The following SLCO3A1 variants were observed in gnomAD, a reference collection of about 807,000 sequenced individuals.
SLCO3A1 encodes the protein solute carrier organic anion transporter family member 3A1, also known as PGE1 transporter.
SLCO3A1 carries 27 observed loss-of-function variants against 63.1 expected under a neutral mutation model. The observed-to-expected ratio is 0.43, with a 90% CI of 0.32 to 0.59. SLCO3A1 has a LOEUF of 0.59. Among genes scored for constraint, SLCO3A1 ranks in the 20% least tolerant of loss-of-function variants. SLCO3A1 has a pLI of 0.09. For synonymous variants in SLCO3A1, 473 were observed against 409.9 expected (o/e 1.15, Z -1.86); for missense variants, 773 against 945.8 (o/e 0.82, Z 2.40).
chr15:92,032,133 C>T (rs974113513), intron 2 of SLCO3A1, among the ~76,000 whole-genome samples: 1 of 152,170 alleles, frequency 6.6e-6, no homozygotes, highest in African/African-American at 2.4e-5. Context: ...CGGGTCTCTG[C>T]TATAGCAATG....
At position 92,164,966 on chromosome 15, in the gene SLCO3A1, G is replaced by GCTT; in HGVS notation, c.*1831_*1832insCTT. 2.1e-6 allele frequency: 2 copies of GCTT among 964,196 alleles called. No homozygotes were observed. The highest frequency in any genetic ancestry group is 2.4e-6 in the Non-Finnish European group (2 of 821,596). The allele number at this position is 964,196 out of a possible 1,614,324, so 59.7% of individuals were successfully genotyped here. A position where few individuals can be genotyped will look rare whatever the true frequency, so the allele number is the denominator to read the frequency against. On this transcript the variant is annotated 3_prime_UTR_variant, in exon 10 of 10. Transcript: ENST00000318445. Reference sequence around the variant, plus strand: ...CCTGGCGCTGGAAAAAAAACTCAAAGGTTGATTGGTTTGCTTTTTCACCTT... The same window carrying GCTT: ...CCTGGCGCTGGAAAAAAAACTCAAAGCTTGTTGATTGGTTTGCTTTTTCACCTT...
chr15:91,889,271 C>A, intron 1 of SLCO3A1: 1 of 699,804 alleles, frequency 1.4e-6, no homozygotes, highest in Non-Finnish European at 2.2e-6. Context: ...AGTGCATTTG[C>A]AACACTTTAT....
chr15:92,025,784 T>G lies in SLCO3A1; in HGVS notation c.647-69097T>G, dbSNP rs539391452. 4.4e-4 allele frequency among the ~76,000 whole-genome samples: 67 copies of G among 152,240 alleles called. 1 individual carries two copies. The highest frequency in any genetic ancestry group is 1.6e-3 in the African/African-American group (65 of 41,550). The stretch of plus-strand genomic sequence containing the variant: ...GAAGTGTTTTGAATTCTCCCGGCCG[T>G]GAGTGGCTGCCATCTACCTTGCTGA... On this transcript the variant is annotated intron_variant, in intron 2 of 9. Coordinates refer to ENST00000318445, the MANE Select transcript of SLCO3A1 (RefSeq NM_013272.4).
At chr15:91,956,661 A>G (rs1164137862) in intron 2 of SLCO3A1, among the ~76,000 whole-genome samples, 1 of 151,838 alleles carries the variant, frequency 6.6e-6, no homozygotes, top group Admixed American at 6.6e-5. Context: ...GAAACAGCCT[A>G]AAACCCCCGA....
intron 2 of SLCO3A1, among the ~76,000 whole-genome samples, chr15:91,924,063 A>ATTT (rs1898932359): frequency 6.6e-6 from 1 of 152,218 alleles, no homozygotes; most frequent in African/African-American, 2.4e-5. Context: ...CAAAAGATAA[A>ATTT]TGAGTGAGGC....
At chr15:92,147,233 G>T (rs1372223960) in intron 8 of SLCO3A1, 74 bp downstream of exon 8, 16 of 1,437,914 alleles carry the variant, frequency 1.1e-5, no homozygotes, top group Non-Finnish European at 1.3e-5. Context: ...AGGGACCAGA[G>T]CTTCAGACAA....
At chr15:92,038,289 C>T (rs1373074599) in intron 2 of SLCO3A1, among the ~76,000 whole-genome samples, 1 of 152,146 alleles carries the variant, frequency 6.6e-6, no homozygotes, top group South Asian at 2.1e-4. Context: ...TTACAAAATT[C>T]TGTACCAGTG....
intron 2 of SLCO3A1, among the ~76,000 whole-genome samples, chr15:92,028,627 A>G (rs749123009): frequency 6.6e-6 from 1 of 152,162 alleles, no homozygotes; most frequent in Non-Finnish European, 1.5e-5. Context: ...ACCTAATGCA[A>G]TATTCAGACA....
At chr15:91,949,824 C>G (rs1899937825) in intron 2 of SLCO3A1, among the ~76,000 whole-genome samples, 1 of 151,926 alleles carries the variant, frequency 6.6e-6, no homozygotes, top group African/African-American at 2.4e-5. Context: ...TAGTGAGACC[C>G]CGGCTTTAAT....
In SLCO3A1 at chr15:91,939,608, A is replaced by G. The variant is rs551115849; in HGVS notation, c.646+23150A>G. On this transcript the variant is annotated intron_variant, in intron 2 of 9. Transcript: ENST00000318445. Reference sequence around the variant, plus strand: ...TGCCAGCTCCAGCACCTCCTAATGAAGTGTTTCATGGGTCCTGCATGAAGG... The same window carrying G: ...TGCCAGCTCCAGCACCTCCTAATGAGGTGTTTCATGGGTCCTGCATGAAGG... 5.3e-5 allele frequency among the ~76,000 whole-genome samples: 8 copies of G among 152,158 alleles called. No homozygotes were observed. The East Asian group carries it at 1.2e-3, about 22-fold the overall frequency.
intron 2 of SLCO3A1, among the ~76,000 whole-genome samples, chr15:92,080,921 T>G (rs1460055422): frequency 2.0e-5 from 3 of 148,750 alleles, no homozygotes; most frequent in Admixed American, 6.8e-5. Flanking sequence ...TTTTTCATTT[T>G]TATGGATACA....
intron 2 of SLCO3A1, among the ~76,000 whole-genome samples, chr15:92,034,587 G>A (rs775223759): frequency 4.0e-5 from 6 of 151,736 alleles, no homozygotes; most frequent in African/African-American, 1.2e-4. Flanking sequence ...GAGACCAGGG[G>A]AAGCATCCAG....
chr15:91,937,447 T>C (rs1208572676), intron 2 of SLCO3A1, among the ~76,000 whole-genome samples: 1 of 151,936 alleles, frequency 6.6e-6, no homozygotes, highest in Non-Finnish European at 1.5e-5. Flanking sequence ...GGGCCAGGCA[T>C]GGTGGCTCAC....
intron 7 of SLCO3A1, among the ~76,000 whole-genome samples, chr15:92,143,422 A>ATAATATATATAT (rs2048167827): frequency 2.9e-4 from 1 of 3,402 alleles, no homozygotes; most frequent in Non-Finnish European, 4.3e-4. Flanking sequence ...TATATATTAT[A>ATAATATATATAT]TATATATAAT....
At chr15:91,933,620 T>A (rs557008575) in intron 2 of SLCO3A1, among the ~76,000 whole-genome samples, 1 of 152,210 alleles carries the variant, frequency 6.6e-6, no homozygotes, top group African/African-American at 2.4e-5. Flanking sequence ...TTAGAGATGT[T>A]AATAATAGCA....
In SLCO3A1 at chr15:92,120,472, G is replaced by A. The variant is rs77283469; in HGVS notation, c.1017G>A (p.Pro339=). ...ASCFQQLRVI[P]KVTKHLLSNP... Reference sequence around the variant, plus strand: ...CCTTCTGTCTCCCTGCAGTGATCCCGAAGGTCACCAAGCACCTGCTCTCAA... The same window carrying A: ...CCTTCTGTCTCCCTGCAGTGATCCCAAAGGTCACCAAGCACCTGCTCTCAA... The change falls in exon 5 of 10, where the codon CCG becomes CCA. Residue 339 remains proline, a synonymous_variant. Transcript: ENST00000318445. The A allele has an allele frequency of 6.2e-4, 1,000 of 1,614,044 alleles. No homozygotes were observed. The African/African-American group carries it at 0.012, about 20-fold the overall frequency.
At chr15:92,042,789 G>C (rs1567084106) in intron 2 of SLCO3A1, among the ~76,000 whole-genome samples, 1 of 152,134 alleles carries the variant, frequency 6.6e-6, no homozygotes. Flanking sequence ...GGCACACTGA[G>C]AAATCAGCAA....
intron 2 of SLCO3A1, among the ~76,000 whole-genome samples, chr15:91,999,102 T>C (rs1398955352): frequency 6.6e-6 from 1 of 152,148 alleles, no homozygotes; most frequent in African/African-American, 2.4e-5. Flanking sequence ...CTCGTGGACG[T>C]AAAGTCGGCA....
intron 2 of SLCO3A1, among the ~76,000 whole-genome samples, chr15:91,974,265 G>GTTGTTATTATTATTATTA (rs147991710): frequency 9.8e-4 from 140 of 142,956 alleles, no homozygotes; most frequent in African/African-American, 3.1e-3. Context: ...TTTCATTATT[G>GTTGTTATTATTATTATTA]TTATTATTAT....
Sources: gnomAD v4.1 joint callset for allele counts (sites outside exome capture counted in the v4.1 genomes callset) on GRCh38, gnomAD v4.1.1 for gene constraint, MANE v1.5 for transcripts, NCBI Gene and HGNC (gene_info 2026-07-23, HGNC 2026-07-21) for gene names.